Variants in HNF4G observed in about 807,000 individuals in gnomAD.
HNF4G encodes the protein hepatocyte nuclear factor 4 gamma.
In HNF4G, 21 loss-of-function variants were observed where a neutral mutation model predicts 50.9. The observed-to-expected ratio is 0.41, with a 90% CI of 0.29 to 0.59. HNF4G has a LOEUF of 0.59. Among genes scored for constraint, HNF4G ranks in the 20% least tolerant of loss-of-function variants. The pLI is 0.26. For synonymous variants in HNF4G, 198 were observed against 185.6 expected, an observed-to-expected ratio of 1.07 and a Z score of -0.54; for missense variants, 527 against 559.4, an observed-to-expected ratio of 0.94 and a Z score of 0.58.
chr8:75,424,263 A>G (rs1037209711), intron 1 of HNF4G, among the ~76,000 whole-genome samples: 5 of 152,182 alleles, frequency 3.3e-5, no homozygotes, highest in Admixed American at 1.3e-4. Flanking sequence ...TTATCTTCTT[A>G]ATATCAAATT....
chr8:75,459,337 T>C (rs1252063576), intron 1 of HNF4G, among the ~76,000 whole-genome samples: 1 of 152,210 alleles, frequency 6.6e-6, no homozygotes, highest in African/African-American at 2.4e-5. Context: ...CTATCAAAAT[T>C]ATGAAGCCTA....
intron 1 of HNF4G, among the ~76,000 whole-genome samples, chr8:75,473,860 T>TA (rs369305162): frequency 1.8e-4 from 26 of 144,272 alleles, no homozygotes; most frequent in East Asian, 4.0e-4. Flanking sequence ...TAGATGAGGT[T>TA]AAAAAAAAAA....
intron 1 of HNF4G, among the ~76,000 whole-genome samples, chr8:75,414,748 A>G (rs562060271): frequency 6.6e-6 from 1 of 152,310 alleles, no homozygotes; most frequent in Non-Finnish European, 1.5e-5. Context: ...TTTTTTGCTA[A>G]ATAGCATAAT....
chr8:75,540,481 G>C (rs574136486), intron 1 of HNF4G, among the ~76,000 whole-genome samples: 4 of 152,206 alleles, frequency 2.6e-5, no homozygotes, highest in African/African-American at 9.6e-5. Flanking sequence ...TAGAACATTA[G>C]GGAGTTTCAC....
At chr8:75,486,678 G>A (rs1213316490) in intron 1 of HNF4G, among the ~76,000 whole-genome samples, 1 of 152,122 alleles carries the variant, frequency 6.6e-6, no homozygotes, top group East Asian at 1.9e-4. Context: ...GTTTATAGTT[G>A]ATTTTGGAAT....
chr8:75,534,307 T>C (rs1806404033), intron 2 of HNF4G, among the ~76,000 whole-genome samples: 1 of 151,850 alleles, frequency 6.6e-6, no homozygotes, highest in African/African-American at 2.4e-5. Context: ...CAGTTAATAA[T>C]TTAATGCTAA....
At chr8:75,408,806 G>C (rs1403038083) in intron 1 of HNF4G, among the ~76,000 whole-genome samples, 1 of 152,202 alleles carries the variant, frequency 6.6e-6, no homozygotes, top group Admixed American at 6.5e-5. Flanking sequence ...TTGCGGGCAA[G>C]GGCAAGAGAA....
chr8:75,441,243 G>T (rs1044801254), intron 1 of HNF4G, among the ~76,000 whole-genome samples: 3 of 149,954 alleles, frequency 2.0e-5, no homozygotes, highest in Non-Finnish European at 4.4e-5. Flanking sequence ...GCCAAGATTA[G>T]AACTTTTTTT....
In HNF4G at chr8:75,506,969, G is replaced by A. The variant is rs989716598; in HGVS notation, c.-24+16761G>A. Reference sequence around the variant, plus strand: ...ATTTATGTTTTGATGGTTGAGCATTGCAATTTTATTTGGGCCTAAAAATGT... The same window carrying A: ...ATTTATGTTTTGATGGTTGAGCATTACAATTTTATTTGGGCCTAAAAATGT... On this transcript the variant is annotated intron_variant, in intron 2 of 10. Coordinates refer to the HNF4G transcript ENST00000354370. 9.2e-5 allele frequency among the ~76,000 whole-genome samples: 14 copies of A among 152,274 alleles called. 1 individual carries two copies. The highest frequency in any genetic ancestry group is 3.4e-4 in the African/African-American group (14 of 41,556).
intron 2 of HNF4G, among the ~76,000 whole-genome samples, chr8:75,545,056 A>C (rs16939093): frequency 0.015 from 2,293 of 151,976 alleles, 24 homozygotes; most frequent in Middle Eastern, 0.079. Flanking sequence ...CTAGGTAAAC[A>C]AAAAAAAGTG....
At chr8:75,423,679 C>T (rs141681682) in intron 1 of HNF4G, among the ~76,000 whole-genome samples, 11,119 of 151,776 alleles carry the variant, frequency 0.073, 1,109 homozygotes, top group African/African-American at 0.23. Context: ...CGTGAGCCAC[C>T]GCACCCAGCC....
intron 1 of HNF4G, among the ~76,000 whole-genome samples, chr8:75,478,330 T>C (rs898487070): frequency 6.6e-6 from 1 of 152,184 alleles, no homozygotes; most frequent in East Asian, 1.9e-4. Context: ...GACAAAAGGA[T>C]TAATGAACAC....
At position 75,532,520 on chromosome 8, in the gene HNF4G, C is replaced by T. The variant is rs140060664; in HGVS notation, c.-23-11291C>T. On this transcript the variant is annotated intron_variant, in intron 2 of 10. Transcript: ENST00000354370. ...ATTCCAGTGCTTACTTTTTATACCA[C>T]ATTGAATCATGCTTCCCAAACATTA... Among the ~76,000 whole-genome samples the T allele has an allele frequency of 2.4e-3, 370 of 152,104 alleles. 13 individuals are homozygous for T. The highest frequency in any genetic ancestry group is 0.022 in the Admixed American group (330 of 15,270).
At chr8:75,411,290 T>A (rs1320672854) in intron 1 of HNF4G, among the ~76,000 whole-genome samples, 1 of 152,218 alleles carries the variant, frequency 6.6e-6, no homozygotes, top group Non-Finnish European at 1.5e-5. Flanking sequence ...CATGTCCCTT[T>A]GTTCTTGGCT....
chr8:75,512,278 G>T (rs1410542879), intron 2 of HNF4G, among the ~76,000 whole-genome samples: 1 of 151,684 alleles, frequency 6.6e-6, no homozygotes, highest in Non-Finnish European at 1.5e-5. Flanking sequence ...CTAAAGTCAT[G>T]ATTCTAATTG....
chr8:75,528,834 A>G (rs2130761610), intron 2 of HNF4G, among the ~76,000 whole-genome samples: 2 of 152,286 alleles, frequency 1.3e-5, no homozygotes, highest in South Asian at 4.1e-4. Context: ...CTATAAAGAT[A>G]CTACCTGAGA....
At chr8:75,478,036 G>T (rs1436904641) in intron 1 of HNF4G, among the ~76,000 whole-genome samples, 1 of 152,186 alleles carries the variant, frequency 6.6e-6, no homozygotes, top group Non-Finnish European at 1.5e-5. Context: ...TTTAGGCCGG[G>T]TGTGGTGGCT....
intron 2 of HNF4G, among the ~76,000 whole-genome samples, chr8:75,513,965 T>C (rs1465911702): frequency 1.3e-5 from 2 of 152,038 alleles, no homozygotes; most frequent in African/African-American, 2.4e-5. Flanking sequence ...CATTTTCTAA[T>C]TGTCAGATGA....
chr8:75,461,302 C>T (rs1323959594), intron 1 of HNF4G, among the ~76,000 whole-genome samples: 10 of 152,104 alleles, frequency 6.6e-5, no homozygotes, highest in Admixed American at 6.6e-4. Context: ...CCAGGGTCTT[C>T]CTCCATTTTT....
Sources: allele counts gnomAD v4.1 joint callset (sites outside exome capture counted in the v4.1 genomes callset), GRCh38; gene constraint gnomAD v4.1.1; transcripts MANE v1.5; gene names NCBI Gene and HGNC (gene_info 2026-07-23, HGNC 2026-07-21).